Variants in BANP observed in about 807,000 individuals in gnomAD.
The protein encoded by BANP is protein BANP.
Under a neutral mutation model 68.1 loss-of-function variants are expected in BANP, and 11 were observed. That is an observed-to-expected ratio of 0.16 (90% CI 0.10 to 0.27). The LOEUF (loss-of-function observed/expected upper bound fraction) is 0.27. BANP is among the 10% of genes least tolerant of loss of function. The probability of loss-of-function intolerance (pLI) is 1.00; values close to 1 mark genes in which losing one functional copy is unlikely to be tolerated. For synonymous variants in BANP, 329 were observed against 303.2 expected, an observed-to-expected ratio of 1.09 and a Z score of -0.88; for missense variants, 504 against 722.7, an observed-to-expected ratio of 0.70 and a Z score of 3.47.
intron 1 of BANP, among the ~76,000 whole-genome samples, chr16:87,965,979 A>G (rs1196453150): frequency 3.9e-5 from 6 of 152,174 alleles, no homozygotes; most frequent in Non-Finnish European, 7.4e-5. Flanking sequence ...GTCATCCCCA[A>G]CTGTCTTGGA....
chr16:88,050,915 G>A (rs971032868), intron 11 of BANP, among the ~76,000 whole-genome samples: 1 of 152,120 alleles, frequency 6.6e-6, no homozygotes. Context: ...TCAAACTCCT[G>A]CGCTCAAGCG....
intron 7 of BANP, among the ~76,000 whole-genome samples, chr16:88,021,453 G>C (rs1298021540): frequency 3.9e-5 from 6 of 152,180 alleles, no homozygotes; most frequent in Non-Finnish European, 8.8e-5. Flanking sequence ...CTTTGCATGA[G>C]GAAGGCTGGC....
chr16:87,977,208 A>T (rs2062323394), intron 2 of BANP, among the ~76,000 whole-genome samples: 2 of 152,180 alleles, frequency 1.3e-5, no homozygotes, highest in Non-Finnish European at 2.9e-5. Context: ...ATGTCAGGAG[A>T]TTGAGACCAT....
chr16:88,028,933 T>G (rs1299510036), intron 8 of BANP, among the ~76,000 whole-genome samples: 2 of 152,238 alleles, frequency 1.3e-5, no homozygotes, highest in Non-Finnish European at 2.9e-5. Context: ...TAATTTTTAT[T>G]TTTCCCTTTG....
chr16:87,987,712 CA>C (rs66648819), intron 4 of BANP, among the ~76,000 whole-genome samples: 5,104 of 29,722 alleles, frequency 0.17, 57 homozygotes, highest in Middle Eastern at 0.36. Flanking sequence ...GACCCTAACT[CA>C]AAAAAAAAAA....
chr16:88,029,350 A>C lies in BANP; in HGVS notation c.1063+1700A>C, dbSNP rs571913378. On this transcript the variant is annotated intron_variant, in intron 8 of 13. Coordinates refer to ENST00000682872, the MANE Select transcript of BANP (RefSeq NM_001386991.1). Reference sequence around the variant, plus strand: ...AAAAGCCGGGTGCTGTGGCTCACGCATGTAATCCCAGCACTTTGGGAGGCC... The same window carrying C: ...AAAAGCCGGGTGCTGTGGCTCACGCCTGTAATCCCAGCACTTTGGGAGGCC... Among the ~76,000 whole-genome samples the C allele has an allele frequency of 1.1e-3, 163 of 146,304 alleles. 1 individual carries two copies. Among genetic ancestry groups the C allele is most frequent in the South Asian group, 4.4e-3 (20 of 4,558 alleles).
chr16:88,003,830 G>T lies in BANP; in HGVS notation c.363-465G>T, dbSNP rs2070150700. The T allele has an allele frequency of 3.3e-6, 1 of 307,690 alleles. No homozygotes were observed. The highest frequency in any genetic ancestry group is 2.2e-5 in the African/African-American group (1 of 45,594). 19.1% of individuals were successfully genotyped at this position (307,690 alleles called of 1,614,324 possible). ...TTCCAGGGCGCTACCGTTTTGGAATGATACCAACACTTACGTGGTTACGAA... is the reference window on the plus strand; with the variant it reads ...TTCCAGGGCGCTACCGTTTTGGAATTATACCAACACTTACGTGGTTACGAA... On this transcript the variant is annotated intron_variant, in intron 4 of 13. Coordinates refer to ENST00000682872, the MANE Select transcript of BANP (RefSeq NM_001386991.1). The surrounding 1 kb of genome is among the most constrained non-coding windows in gnomAD (Gnocchi z 6.1).
chr16:87,978,808 C>G (rs1242820461), intron 2 of BANP: 1 of 359,582 alleles, frequency 2.8e-6, no homozygotes, highest in African/African-American at 2.1e-5. Flanking sequence ...CCAACCCTCC[C>G]AGGCACAGCT....
intron 11 of BANP, among the ~76,000 whole-genome samples, chr16:88,047,419 C>T (rs1217035005): frequency 1.3e-5 from 2 of 152,208 alleles, no homozygotes; most frequent in Non-Finnish European, 2.9e-5. Context: ...CTCCTTCCCC[C>T]AAACCAGGAA....
At chr16:88,051,814 T>C (rs776742357) in intron 11 of BANP, among the ~76,000 whole-genome samples, 6 of 152,212 alleles carry the variant, frequency 3.9e-5, no homozygotes, top group Non-Finnish European at 8.8e-5. Flanking sequence ...AATTGTTAAA[T>C]AGACTTACAG....
At chr16:88,020,802 G>C (rs1025882254) in intron 7 of BANP, among the ~76,000 whole-genome samples, 6 of 152,192 alleles carry the variant, frequency 3.9e-5, no homozygotes, top group Non-Finnish European at 7.3e-5. Flanking sequence ...GCCTTGGATT[G>C]TCAGGCTAAG....
intron 6 of BANP, among the ~76,000 whole-genome samples, chr16:88,011,050 C>A (rs766353534): frequency 6.6e-6 from 1 of 152,140 alleles, no homozygotes; most frequent in African/African-American, 2.4e-5. Context: ...GATGAGTGAC[C>A]ACAATAAAAC....
chr16:87,989,588 C>CG (rs1394457592), intron 4 of BANP, among the ~76,000 whole-genome samples: 3 of 141,664 alleles, frequency 2.1e-5, no homozygotes, highest in African/African-American at 5.3e-5. Context: ...GGACACAGGG[C>CG]GGGTGACGGG....
Position 88,004,038 on chromosome 16 carries a change from T to A in BANP, c.363-257T>A, listed in dbSNP as rs1034738155. ...CCAGCTGTCCTGTGCTATCCAGTTGTGCAGACAGATCACCAACAATTAGGA... is the reference window on the plus strand; with the variant it reads ...CCAGCTGTCCTGTGCTATCCAGTTGAGCAGACAGATCACCAACAATTAGGA... On this transcript the variant is annotated intron_variant, in intron 4 of 13. Transcript: ENST00000682872. This position sits in a 1 kb window ranked among gnomAD's most constrained non-coding sequence, Gnocchi z 7.0. The A allele has an allele frequency of 2.3e-6, 1 of 436,288 alleles. No homozygotes were observed. Among genetic ancestry groups the A allele is most frequent in the African/African-American group, 2.0e-5 (1 of 49,606 alleles). 27.0% of individuals were successfully genotyped at this position (436,288 alleles called of 1,614,324 possible). A position where few individuals can be genotyped will look rare whatever the true frequency, so the allele number is the denominator to read the frequency against.
intron 1 of BANP, among the ~76,000 whole-genome samples, chr16:87,961,036 G>A (rs1447674061): frequency 1.3e-5 from 2 of 152,190 alleles, no homozygotes; most frequent in East Asian, 3.9e-4. Context: ...ATTTGCAAGA[G>A]CTGCCTAACT....
intron 2 of BANP, among the ~76,000 whole-genome samples, chr16:87,975,803 G>A (rs1221237940): frequency 1.4e-5 from 2 of 146,084 alleles, no homozygotes; most frequent in Non-Finnish European, 3.0e-5. Context: ...GTAATCCCCT[G>A]TGTGCGGCGT....
chr16:88,023,093 T>C (rs2076318979), intron 7 of BANP, among the ~76,000 whole-genome samples: 1 of 152,132 alleles, frequency 6.6e-6, no homozygotes, highest in Admixed American at 6.5e-5. Flanking sequence ...TAAGGCAGAA[T>C]GTGGACTCCA....
At chr16:88,059,050 A>G (rs62046892) in intron 11 of BANP, among the ~76,000 whole-genome samples, 148,519 of 150,364 alleles carry the variant, frequency 0.99, 73,363 homozygotes, top group East Asian at 1. Flanking sequence ...CCCCTGTACC[A>G]CAGTGCTGTG....
chr16:87,995,129 T>TA (rs1389121170), intron 4 of BANP, among the ~76,000 whole-genome samples: 2 of 152,242 alleles, frequency 1.3e-5, no homozygotes, highest in African/African-American at 2.4e-5. Context: ...TCTCACCTGT[T>TA]AGAGTCCATC....
Sources: gnomAD v4.1 joint callset for allele counts (sites outside exome capture counted in the v4.1 genomes callset) on GRCh38, gnomAD v4.1.1 for gene constraint, Gnocchi (gnomAD v3.1) non-coding constraint, MANE v1.5 for transcripts, NCBI Gene and HGNC (gene_info 2026-07-23, HGNC 2026-07-21) for gene names.